MDN1: variants seen among roughly 807,000 people sequenced by gnomAD.
MDN1 encodes midasin AAA ATPase 1.
MDN1 carries 266 observed loss-of-function variants against 669.2 expected under a neutral mutation model. The ratio of observed to expected loss-of-function variants is 0.40; its 90% CI spans 0.36 to 0.44. The LOEUF (loss-of-function observed/expected upper bound fraction) is 0.44, where lower values mean the gene tolerates loss of function less well. MDN1 is among the 20% of genes least tolerant of loss of function. MDN1 has a pLI of 1.00. For missense variants in MDN1, 5,940 were observed against 6,754.0 expected, an observed-to-expected ratio of 0.88 and a Z score of 4.22; for synonymous variants, 2,385 against 2,457.1, an observed-to-expected ratio of 0.97 and a Z score of 0.87.
At chr6:89,732,082 A>G (rs1815640024) in intron 34 of MDN1, among the ~76,000 whole-genome samples, 1 of 152,148 alleles carries the variant, frequency 6.6e-6, no homozygotes, top group Non-Finnish European at 1.5e-5. Flanking sequence ...CAAAACTTGC[A>G]TCAAAAATAA....
rs1337189978 is a variant in MDN1, at chr6:89,797,963, G to A, written c.330-3162C>T. 6 of 163,124 alleles carry A rather than the reference G, an allele frequency of 3.7e-5. No individual in the cohort carries two copies. The South Asian group carries it at 4.5e-4, about 12-fold the overall frequency. The allele number at this position is 163,124 out of a possible 1,614,324, so 10.1% of individuals were successfully genotyped here. On this transcript the variant is annotated intron_variant, in intron 2 of 101. Coordinates refer to ENST00000369393, the MANE Select transcript of MDN1 (RefSeq NM_014611.3). ...TGGGAGGCCGAGGCAAGTGGATCAC[G>A]AGGTCAGGAGATCGAGACCATCCTG...
chr6:89,768,016 T>C (rs1817887328), intron 15 of MDN1, among the ~76,000 whole-genome samples: 1 of 152,048 alleles, frequency 6.6e-6, no homozygotes, highest in South Asian at 2.1e-4. Flanking sequence ...CACTCCAGCC[T>C]GTGTGACAGA....
Position 89,684,858 on chromosome 6 carries a change from G to C in MDN1, c.11829+18C>G, listed in dbSNP as rs754813256. ...ATTTTGTCCTCCCAAGAGTGATCATGACAGCTGTTCATCTTACTTTAAGTT... is the reference window on the plus strand; with the variant it reads ...ATTTTGTCCTCCCAAGAGTGATCATCACAGCTGTTCATCTTACTTTAAGTT... On this transcript the variant is annotated intron_variant, in intron 71 of 101. Coordinates refer to ENST00000369393, the MANE Select transcript of MDN1 (RefSeq NM_014611.3). The C allele has an allele frequency of 6.7e-7, 1 of 1,488,378 alleles. No homozygotes were observed. The highest frequency in any genetic ancestry group is 9.4e-7 in the Non-Finnish European group (1 of 1,067,070). The allele number at this position is 1,488,378 out of a possible 1,614,324, so 92.2% of individuals were successfully genotyped here. A position where few individuals can be genotyped will look rare whatever the true frequency, so the allele number is the denominator to read the frequency against.
At chr6:89,665,404 T>C (rs1810119625) in intron 84 of MDN1, among the ~76,000 whole-genome samples, 1 of 152,150 alleles carries the variant, frequency 6.6e-6, no homozygotes, top group Non-Finnish European at 1.5e-5. Flanking sequence ...TCATTATGGT[T>C]GATTTTTGAA....
intron 83 of MDN1, 133 bp from the exon 84 acceptor site, chr6:89,668,284 G>T: frequency 9.1e-7 from 1 of 1,100,738 alleles, no homozygotes; most frequent in Non-Finnish European, 1.3e-6. Context: ...TAAATCCGCT[G>T]GAAGTACAGG....
chr6:89,725,223 C>T lies in MDN1; in HGVS notation c.5646G>A (p.Arg1882=), dbSNP rs1343630555. The T allele has an allele frequency of 6.2e-7, 1 of 1,613,984 alleles. No homozygotes were observed. Among genetic ancestry groups the T allele is most frequent in the Non-Finnish European group, 8.5e-7 (1 of 1,179,938 alleles). ...RQGGGRKGLP[R]SFLNRFTQVF... ...CCTGAGTGAATCTGTTAAGGAAAGA[C>T]CTGGGCAAGCCTTTCCTCCCACCTC... The change falls in exon 38 of 102, where the codon AGG becomes AGA. Residue 1882 remains arginine, a synonymous_variant. Transcript: ENST00000369393.
intron 44 of MDN1, among the ~76,000 whole-genome samples, chr6:89,716,439 A>G (rs1337457823): frequency 6.6e-6 from 1 of 152,252 alleles, no homozygotes; most frequent in African/African-American, 2.4e-5. Context: ...TTTGGCTGAA[A>G]ATTATCATAC....
Position 89,803,524 on chromosome 6 carries a change from G to A in MDN1, c.133C>T (p.Leu45=), listed in dbSNP as rs1767801081. 6.2e-7 allele frequency: 1 copy of A among 1,613,670 alleles called. No individual in the cohort carries two copies. Among genetic ancestry groups the A allele is most frequent in the South Asian group, 1.1e-5 (1 of 91,056 alleles). The part of the protein sequence containing the change: ...VWTPQDRQCV[L]STLAQLLLDK... Reference sequence around the variant, plus strand: ...AAAAGCAACTGTGCTAAGGTACTCAGGACACACTGGCGATCTTGAGGTGTC... The same window carrying A: ...AAAAGCAACTGTGCTAAGGTACTCAAGACACACTGGCGATCTTGAGGTGTC... Residue 45 remains leucine, a synonymous_variant, in exon 2 of 102, where the codon CTG becomes TTG. Transcript: ENST00000369393.
At chr6:89,813,921 A>AT (rs1260351334) in intron 1 of MDN1, among the ~76,000 whole-genome samples, 4 of 138,686 alleles carry the variant, frequency 2.9e-5, no homozygotes, top group Middle Eastern at 3.2e-3. Flanking sequence ...TCTACCTAAG[A>AT]TTTAAAAAAA....
intron 7 of MDN1, among the ~76,000 whole-genome samples, chr6:89,788,629 T>C (rs1391712741): frequency 2.0e-5 from 3 of 152,162 alleles, no homozygotes; most frequent in Non-Finnish European, 4.4e-5. Flanking sequence ...AACTTTTTCA[T>C]AAGAGTTATC....
intron 5 of MDN1, among the ~76,000 whole-genome samples, chr6:89,792,150 G>A (rs1047396018): frequency 1.3e-5 from 2 of 152,106 alleles, no homozygotes; most frequent in African/African-American, 2.4e-5. Flanking sequence ...TTACAAGCGT[G>A]AGCCACTGCG....
intron 40 of MDN1, among the ~76,000 whole-genome samples, chr6:89,722,632 T>C (rs1235126726): frequency 6.6e-6 from 1 of 152,182 alleles, no homozygotes; most frequent in African/African-American, 2.4e-5. Flanking sequence ...GTGGATCATC[T>C]GAATTCAGGA....
rs866792453 is a variant in MDN1, at chr6:89,803,536, G to A, written c.121C>T (p.Arg41Cys). The A allele has an allele frequency of 3.1e-6, 5 of 1,612,342 alleles. No individual in the cohort carries two copies. Among genetic ancestry groups the A allele is most frequent in the East Asian group, 4.5e-5 (2 of 44,880 alleles). The stretch of plus-strand genomic sequence containing the variant: ...GCTAAGGTACTCAGGACACACTGGC[G>A]ATCTTGAGGTGTCCACACCTGAGAA... The part of the protein sequence containing the change: ...LAKQVWTPQD[R>C]QCVLSTLAQL... The change falls in exon 2 of 102, where the codon CGC becomes TGC. Residue 41 changes from arginine to cysteine, a missense_variant. Arg to Cys is a radical substitution (Grantham distance 180). Around this residue, in one of 5 missense-constraint regions of MDN1, gnomAD observed 1,203 missense variants for 1,268.9 expected, o/e 0.95. Coordinates refer to ENST00000369393, the MANE Select transcript of MDN1 (RefSeq NM_014611.3).
chr6:89,749,672 C>T lies in MDN1; in HGVS notation c.3486G>A (p.Glu1162=). ...TATCATCCAACAGCCTATTCAGCGC[C>T]TCTAACACATCAGTAGGGGCCAAAT... ...ELNLAPTDVL[E]ALNRLLDDNR... The change falls in exon 25 of 102, where the codon GAG becomes GAA. Residue 1162 remains glutamate, a synonymous_variant. Coordinates refer to ENST00000369393, the MANE Select transcript of MDN1 (RefSeq NM_014611.3). 2 of 1,614,122 alleles carry T rather than the reference C, an allele frequency of 1.2e-6. No individual in the cohort carries two copies. The highest frequency in any genetic ancestry group is 2.2e-5 in the East Asian group (1 of 44,882).
chr6:89,712,953 TAA>T lies in MDN1; in HGVS notation c.7219-169_7219-168del, dbSNP rs5878107. Among the ~76,000 whole-genome samples, 713 of 146,054 alleles carry T rather than the reference TAA, an allele frequency of 4.9e-3. 1 individual carries two copies. Among genetic ancestry groups the T allele is most frequent in the East Asian group, 5.4e-3 (27 of 5,028 alleles). ...TACTTTTCCTGATGACATGTAAGTT[TAA>T]AAAAAAAAAAAAAGGAATATTTACA... On this transcript the variant is annotated intron_variant, in intron 47 of 101. Coordinates refer to ENST00000369393, the MANE Select transcript of MDN1 (RefSeq NM_014611.3).
intron 8 of MDN1, 92 bp from the exon 9 acceptor site, chr6:89,785,218 A>C: frequency 1.5e-5 from 12 of 816,248 alleles, no homozygotes; most frequent in Non-Finnish European, 2.5e-5. Flanking sequence ...ACACTGTCTC[A>C]CATAGGAAAA....
chr6:89,740,206 A>C (rs1218554163), intron 32 of MDN1, 28 bp downstream of exon 32: 4 of 1,608,312 alleles, frequency 2.5e-6, no homozygotes, highest in Admixed American at 3.4e-5. Flanking sequence ...AAAACCTAGA[A>C]AGAAAATGTG....
chr6:89,675,187 T>A (rs1230505085), intron 78 of MDN1, among the ~76,000 whole-genome samples: 1 of 152,142 alleles, frequency 6.6e-6, no homozygotes, highest in Non-Finnish European at 1.5e-5. Flanking sequence ...ACAGGTATAG[T>A]TCACCCATAA....
intron 90 of MDN1, 141 bp downstream of exon 90, chr6:89,658,068 G>T: frequency 1.1e-6 from 1 of 931,224 alleles, no homozygotes; most frequent in Non-Finnish European, 1.6e-6. Context: ...AATGAGATGT[G>T]GTCTGTTAGA....
Sources: allele counts gnomAD v4.1 joint callset (sites outside exome capture counted in the v4.1 genomes callset), GRCh38; gene constraint gnomAD v4.1.1; regional missense constraint gnomAD v4.1.1; transcripts MANE v1.5; gene names NCBI Gene and HGNC (gene_info 2026-07-23, HGNC 2026-07-21).